RGPD4: variants seen among roughly 807,000 people sequenced by gnomAD.
RGPD4 encodes ranBP2-like and GRIP domain-containing protein 4.
In RGPD4, 84 loss-of-function variants were observed where a neutral mutation model predicts 141.1. That is an observed-to-expected ratio of 0.60 (90% CI 0.50 to 0.71). The LOEUF is 0.71. Among genes scored for constraint, RGPD4 ranks in the 30% least tolerant of loss-of-function variants. RGPD4 has a pLI of 0.00. For synonymous variants in RGPD4, 298 were observed against 566.8 expected, an observed-to-expected ratio of 0.53 and a Z score of 6.74; for missense variants, 918 against 1,622.4, an observed-to-expected ratio of 0.57 and a Z score of 7.46.
intron 6 of RGPD4, among the ~76,000 whole-genome samples, chr2:107,846,464 T>G (rs1190377103): frequency 6.6e-6 from 1 of 151,758 alleles, no homozygotes; most frequent in Non-Finnish European, 1.5e-5. Flanking sequence ...TGTGTGTTAA[T>G]AATTATAGCT....
chr2:107,828,639 G>A (rs1352554442), intron 1 of RGPD4, among the ~76,000 whole-genome samples: 1 of 87,772 alleles, frequency 1.1e-5, no homozygotes, highest in Admixed American at 9.6e-5. Flanking sequence ...CGGCGGCCTC[G>A]ATGGCTCAGG....
chr2:107,869,752 A>C (rs973538230), intron 18 of RGPD4, 131 bp from the exon 19 acceptor site: 1 of 646,772 alleles, frequency 1.5e-6, no homozygotes, highest in Non-Finnish European at 2.5e-6. Flanking sequence ...GATGTACAGA[A>C]ATTTAAAATT....
chr2:107,884,498 T>C (rs1675456924), intron 22 of RGPD4, among the ~76,000 whole-genome samples: 7 of 148,640 alleles, frequency 4.7e-5, no homozygotes, highest in African/African-American at 1.7e-4. Context: ...CTATAGCAGT[T>C]CTATATTTGG....
At chr2:107,835,071 CTTT>C (rs1195678590) in intron 1 of RGPD4, among the ~76,000 whole-genome samples, 1 of 11,640 alleles carries the variant, frequency 8.6e-5, no homozygotes, top group African/African-American at 6.3e-4. Flanking sequence ...GTTGTATCAG[CTTT>C]TTTTTTTTTT....
At chr2:107,854,326 A>G (rs1404809771) in intron 7 of RGPD4, among the ~76,000 whole-genome samples, 2 of 151,272 alleles carry the variant, frequency 1.3e-5, no homozygotes, top group Non-Finnish European at 2.9e-5. Flanking sequence ...GGCCTCCCAG[A>G]CAGAGTGTTG....
At chr2:107,830,433 C>T (rs1176158846) in intron 1 of RGPD4, among the ~76,000 whole-genome samples, 2 of 151,442 alleles carry the variant, frequency 1.3e-5, no homozygotes, top group African/African-American at 4.9e-5. Flanking sequence ...CTGGTCTAGA[C>T]AGAAGTTAGA....
At chr2:107,861,573 A>T in intron 14 of RGPD4, 21 bp from the exon 15 acceptor site, 3 of 1,610,604 alleles carry the variant, frequency 1.9e-6, no homozygotes, top group Non-Finnish European at 2.5e-6. Flanking sequence ...TAATGATTTC[A>T]TAAAAGCATT....
At chr2:107,828,583 AGCGGCCTCGACCTGGCCGGGCGG>A (rs1681329024) in intron 1 of RGPD4, among the ~76,000 whole-genome samples, 1 of 30,590 alleles carries the variant, frequency 3.3e-5, no homozygotes, top group Non-Finnish European at 6.1e-5. Flanking sequence ...CTGTTGAGGC[AGCGGCCTCGACCTGGCCGGGCGG>A]CGGCGGCCTC....
chr2:107,858,413 C>A (rs1339985178), intron 9 of RGPD4, among the ~76,000 whole-genome samples: 22 of 149,978 alleles, frequency 1.5e-4, no homozygotes, highest in African/African-American at 5.5e-4. Context: ...CTTTTCTTTT[C>A]TTTTCTTTTC....
At chr2:107,887,904 TA>T (rs1212179104) in intron 22 of RGPD4, among the ~76,000 whole-genome samples, 1 of 66,040 alleles carries the variant, frequency 1.5e-5, no homozygotes, top group South Asian at 6.1e-4. Context: ...AAGCCGGAAG[TA>T]AAAGTCATTT....
intron 20 of RGPD4, among the ~76,000 whole-genome samples, chr2:107,875,464 C>T (rs1423442021): frequency 7.3e-6 from 1 of 136,296 alleles, no homozygotes; most frequent in Non-Finnish European, 1.5e-5. Context: ...CCATATTGGA[C>T]ACCATAGCTC....
In RGPD4 at chr2:107,827,094, A is replaced by G. The variant is rs761947525; in HGVS notation, c.72+9A>G. The stretch of plus-strand genomic sequence containing the variant: ...CCCCGTCGCCTCGAAAGGTGAGTGG[A>G]TCTCGAAGAGACCGACGGCCTCGAC... On this transcript the variant is annotated intron_variant, in intron 1 of 22. Coordinates refer to ENST00000408999, the MANE Select transcript of RGPD4 (RefSeq NM_182588.3). The G allele has an allele frequency of 5.0e-6, 8 of 1,587,858 alleles. No homozygotes were observed. The highest frequency in any genetic ancestry group is 6.0e-6 in the Non-Finnish European group (7 of 1,168,666).
rs1209761220 is a variant in RGPD4, at chr2:107,861,740, A to T, written c.2205A>T (p.Lys735Asn). ...DSDSNLSVVK[K>N]LPVPLESVKE... ...ATTCAAATCTTTCAGTGGTCAAGAAAGTAAGTAGCAGGTTGTTGTATGTAC... is the reference window on the plus strand; with the variant it reads ...ATTCAAATCTTTCAGTGGTCAAGAATGTAAGTAGCAGGTTGTTGTATGTAC... Residue 735 changes from lysine (K) to asparagine (N), a missense_variant and splice_region_variant, in exon 15 of 23, where the codon AAA becomes AAT. Physicochemically the swap from Lys to Asn is moderately conservative, Grantham distance 94. Transcript: ENST00000408999. The T allele has an allele frequency of 6.3e-7, 1 of 1,579,114 alleles. No individual in the cohort carries two copies. The highest frequency in any genetic ancestry group is 1.4e-5 in the African/African-American group (1 of 70,302).
intron 20 of RGPD4, among the ~76,000 whole-genome samples, chr2:107,878,693 G>GTAT (rs1214624330): frequency 9.8e-6 from 1 of 101,778 alleles, no homozygotes; most frequent in Non-Finnish European, 2.0e-5. Flanking sequence ...TGCTTATTAA[G>GTAT]TATTACCTTA....
intron 9 of RGPD4, among the ~76,000 whole-genome samples, chr2:107,858,296 AAACATAAT>A (rs1426322704): frequency 6.6e-6 from 1 of 152,002 alleles, no homozygotes; most frequent in Admixed American, 6.5e-5. Context: ...AGATACCTAT[AAACATAAT>A]TACTGAGACA....
At chr2:107,867,195 C>T (rs1353916359) in intron 18 of RGPD4, among the ~76,000 whole-genome samples, 2 of 148,450 alleles carry the variant, frequency 1.3e-5, no homozygotes, top group African/African-American at 5.0e-5. Flanking sequence ...ATACATTGCT[C>T]CCAGGCAGCC....
At chr2:107,889,008 A>G (rs1344856026) in intron 22 of RGPD4, among the ~76,000 whole-genome samples, 2 of 140,768 alleles carry the variant, frequency 1.4e-5, no homozygotes, top group Non-Finnish European at 1.5e-5. Context: ...ATTGTAAATA[A>G]CACGCAGATA....
intron 1 of RGPD4, among the ~76,000 whole-genome samples, chr2:107,828,821 C>T (rs1169177322): frequency 4.5e-4 from 8 of 17,962 alleles, no homozygotes; most frequent in South Asian, 3.0e-3. Context: ...GCGGCGGCCT[C>T]GACCCGGCCC....
rs566156731 is a variant in RGPD4 at position 107,846,828 on chromosome 2, G to T, written c.783-1513G>T. 3.0e-3 allele frequency among the ~76,000 whole-genome samples: 454 copies of T among 151,560 alleles called. 4 individuals carry two copies. The highest frequency in any genetic ancestry group is 9.7e-3 in the African/African-American group (397 of 41,074). The stretch of plus-strand genomic sequence containing the variant: ...CAACAGCAAAAAAGTAGTCAGAAAA[G>T]TGTCATTGTTTTTGCATTTTTGTAA... On this transcript the variant is annotated intron_variant, in intron 6 of 22. Coordinates refer to ENST00000408999, the MANE Select transcript of RGPD4 (RefSeq NM_182588.3).
Sources: allele counts gnomAD v4.1 joint callset (sites outside exome capture counted in the v4.1 genomes callset), GRCh38; gene constraint gnomAD v4.1.1; transcripts MANE v1.5; gene names NCBI Gene and HGNC (gene_info 2026-07-23, HGNC 2026-07-21).